The following CSMD1 variants were observed in gnomAD, a reference collection of about 807,000 sequenced individuals.
The protein encoded by CSMD1 is CUB and Sushi multiple domains 1, also known as CUB and sushi domain-containing protein 1.
A neutral mutation model predicts 417.5 loss-of-function variants in CSMD1; 213 were observed. That is an observed-to-expected ratio of 0.51 (90% confidence interval 0.46 to 0.57). The LOEUF is 0.57. Ranked by LOEUF, CSMD1 falls within the 20% of genes least tolerant of loss-of-function variation. The probability of loss-of-function intolerance (pLI) is 0.00; values close to 1 mark genes in which losing one functional copy is unlikely to be tolerated. For synonymous variants in CSMD1, 2,862 were observed against 1,736.8 expected (o/e 1.65, Z -16.11); for missense variants, 6,923 against 4,529.7 (o/e 1.53, Z -15.17).
At chr8:4,731,416 G>C (rs553024682) in intron 1 of CSMD1, among the ~76,000 whole-genome samples, 5 of 152,224 alleles carry the variant, frequency 3.3e-5, no homozygotes, top group East Asian at 1.9e-4. Context: ...ATATTTTTCC[G>C]TATTGGAGTA....
rs182298165 is a variant in CSMD1 at position 4,377,313 on chromosome 8, C to T, written c.415+42640G>A. On this transcript the variant is annotated intron_variant, in intron 3 of 69. Coordinates refer to ENST00000635120, the MANE Select transcript of CSMD1 (RefSeq NM_033225.6). Reference sequence around the variant, plus strand: ...GGGAGGAGGAGAAGTCACCACAGCCCAAAACCTTGGTCGGGGGAGGCTTAG... The same window carrying T: ...GGGAGGAGGAGAAGTCACCACAGCCTAAAACCTTGGTCGGGGGAGGCTTAG... Among the ~76,000 whole-genome samples the T allele has an allele frequency of 2.1e-3, 319 of 152,264 alleles. 4 individuals are homozygous for T. The highest frequency in any genetic ancestry group is 7.3e-3 in the African/African-American group (304 of 41,568).
At chr8:3,992,366 C>T (rs553507880) in intron 5 of CSMD1, among the ~76,000 whole-genome samples, 1 of 152,212 alleles carries the variant, frequency 6.6e-6, no homozygotes, top group African/African-American at 2.4e-5. Flanking sequence ...TCCCGTTAAA[C>T]CAGCACAAGT....
intron 5 of CSMD1, among the ~76,000 whole-genome samples, chr8:3,861,084 C>G (rs1804671003): frequency 6.6e-6 from 1 of 152,114 alleles, no homozygotes; most frequent in African/African-American, 2.4e-5. Context: ...GCTGTAATGC[C>G]AACTTCTAGT....
At position 4,964,990 on chromosome 8, in the gene CSMD1, C is replaced by T. The variant is rs577122677; in HGVS notation, c.85+29342G>A. Reference sequence around the variant, plus strand: ...TATTGATTCCTTTTGCTTTGGGTCACTTCTTCACTTCAAAAACTGTCCTCC... The same window carrying T: ...TATTGATTCCTTTTGCTTTGGGTCATTTCTTCACTTCAAAAACTGTCCTCC... On this transcript the variant is annotated intron_variant, in intron 1 of 69. Transcript: ENST00000635120. Among the ~76,000 whole-genome samples the T allele has an allele frequency of 3.2e-4, 48 of 152,252 alleles. 1 individual carries two copies. Among genetic ancestry groups the T allele is most frequent in the Non-Finnish European group, 6.3e-4 (43 of 68,012 alleles).
At chr8:4,350,641 G>A (rs373650794) in intron 3 of CSMD1, among the ~76,000 whole-genome samples, 28 of 152,206 alleles carry the variant, frequency 1.8e-4, no homozygotes, top group Admixed American at 1.8e-3. Flanking sequence ...AGAGAATTGC[G>A]AGTTGACTCA....
chr8:4,409,984 T>A (rs1013632563), intron 3 of CSMD1, among the ~76,000 whole-genome samples: 2 of 152,082 alleles, frequency 1.3e-5, no homozygotes, highest in African/African-American at 4.8e-5. Context: ...CAGCAAATTT[T>A]TGTATTTTTA....
intron 3 of CSMD1, among the ~76,000 whole-genome samples, chr8:4,202,603 C>G (rs766079475): frequency 2.6e-5 from 4 of 152,218 alleles, no homozygotes; most frequent in Non-Finnish European, 4.4e-5. Context: ...TTCCTGCAAT[C>G]TCTTTGAGTA....
intron 1 of CSMD1, among the ~76,000 whole-genome samples, chr8:4,705,259 T>G (rs1232578953): frequency 2.0e-5 from 3 of 152,288 alleles, no homozygotes; most frequent in African/African-American, 4.8e-5. Flanking sequence ...CTGGTATTTT[T>G]TTTATAGCAG....
At chr8:3,126,736 G>A (rs920879005) in intron 41 of CSMD1, among the ~76,000 whole-genome samples, 2 of 152,118 alleles carry the variant, frequency 1.3e-5, no homozygotes, top group Non-Finnish European at 2.9e-5. Context: ...TGTTCTCTTA[G>A]CTCCTAGTCC....
intron 1 of CSMD1, among the ~76,000 whole-genome samples, chr8:4,835,581 C>A (rs147313506): frequency 2.7e-4 from 41 of 152,274 alleles, no homozygotes; most frequent in African/African-American, 9.4e-4. Context: ...TGGAATTATC[C>A]TAACACAAAT....
chr8:3,924,599 T>G lies in CSMD1; in HGVS notation c.818+73304A>C, dbSNP rs146326912. Among the ~76,000 whole-genome samples the G allele has an allele frequency of 2.2e-3, 342 of 152,320 alleles. 3 individuals carry two copies. Among genetic ancestry groups the G allele is most frequent in the South Asian group, 0.021 (102 of 4,830 alleles). On this transcript the variant is annotated intron_variant, in intron 5 of 69. Transcript: ENST00000635120. ...TGACTGGATAATTTTAAATGATCTG[T>G]CTTATATTTCACTAATTCTATTTTC...
At chr8:3,043,700 A>C (rs114766536) in intron 50 of CSMD1, 5 of 152,164 alleles carry the variant, frequency 3.3e-5, no homozygotes, top group African/African-American at 1.2e-4. Flanking sequence ...TAAACATATT[A>C]TTAACTGAAA....
chr8:4,601,223 C>T (rs187944910), intron 2 of CSMD1, among the ~76,000 whole-genome samples: 15 of 152,084 alleles, frequency 9.9e-5, no homozygotes, highest in South Asian at 8.3e-4. Context: ...CCCAAAGTGC[C>T]GGGATTACAG....
At chr8:4,673,292 A>C (rs1004030915) in intron 1 of CSMD1, among the ~76,000 whole-genome samples, 1 of 152,246 alleles carries the variant, frequency 6.6e-6, no homozygotes, top group Non-Finnish European at 1.5e-5. Context: ...AAAAACTATT[A>C]AAACGCATAA....
chr8:3,340,325 T>C (rs529640932), intron 23 of CSMD1, among the ~76,000 whole-genome samples: 1 of 152,346 alleles, frequency 6.6e-6, no homozygotes, highest in South Asian at 2.1e-4. Flanking sequence ...CCTAAGTGTA[T>C]GCTTTTATAA....
chr8:3,011,367 CTG>C (rs1016978769), intron 52 of CSMD1, among the ~76,000 whole-genome samples: 3 of 152,256 alleles, frequency 2.0e-5, no homozygotes, highest in African/African-American at 7.2e-5. Flanking sequence ...TTCTGCTCTG[CTG>C]TGATATAAGC....
chr8:2,966,487 A>T (rs1803969897), intron 58 of CSMD1, 83 bp downstream of exon 58: 13 of 1,267,580 alleles, frequency 1.0e-5, no homozygotes, highest in Non-Finnish European at 1.1e-6. Flanking sequence ...AAAAAACAGT[A>T]TAACACCTTA....
chr8:4,994,707 A>C lies in CSMD1; in HGVS notation c.-291T>G. The stretch of plus-strand genomic sequence containing the variant: ...GGCCGAGCCGGGCAGGAAGGCACCA[A>C]GGCGGCGAGGCTGCGGGAGGGGGAG... On this transcript the variant is annotated 5_prime_UTR_variant, in exon 1 of 70. Coordinates refer to ENST00000635120, the MANE Select transcript of CSMD1 (RefSeq NM_033225.6). 1 of 349,972 alleles carries C rather than the reference A, an allele frequency of 2.9e-6. No individual in the cohort carries two copies. The highest frequency in any genetic ancestry group is 5.2e-6 in the Non-Finnish European group (1 of 193,066). 21.7% of individuals were successfully genotyped at this position (349,972 alleles called of 1,614,324 possible).
At position 3,321,944 on chromosome 8, in the gene CSMD1, C is replaced by T. The variant is rs576759344; in HGVS notation, c.3632-13441G>A. Among the ~76,000 whole-genome samples, 39 of 152,196 alleles carry T rather than the reference C, an allele frequency of 2.6e-4. No individual in the cohort carries two copies. The South Asian group carries it at 8.1e-3, about 32-fold the overall frequency. On this transcript the variant is annotated intron_variant, in intron 23 of 69. Transcript: ENST00000635120. ...AATGGATTCAGTATTATTTAGCAAA[C>T]CTAAAATGGAACCTACACAGTTTCA...
Sources: gnomAD v4.1 joint callset for allele counts (sites outside exome capture counted in the v4.1 genomes callset) on GRCh38, gnomAD v4.1.1 for gene constraint, MANE v1.5 for transcripts, NCBI Gene and HGNC (gene_info 2026-07-23, HGNC 2026-07-21) for gene names.